Variants in PTPRD observed in about 807,000 individuals in gnomAD.
PTPRD encodes the protein protein tyrosine phosphatase receptor type D, also known as receptor-type tyrosine-protein phosphatase delta.
Under a neutral mutation model 214.5 loss-of-function variants are expected in PTPRD, and 34 were observed. The ratio of observed to expected loss-of-function variants is 0.16; its 90% CI spans 0.12 to 0.21. The LOEUF is 0.21. Ranked by LOEUF, PTPRD falls within the 10% of genes least tolerant of loss-of-function variation. The probability of loss-of-function intolerance (pLI) is 1.00; values close to 1 mark genes in which losing one functional copy is unlikely to be tolerated. For synonymous variants in PTPRD, 1,128 were observed against 845.7 expected, an observed-to-expected ratio of 1.33 and a Z score of -5.79; for missense variants, 2,545 against 2,398.7, an observed-to-expected ratio of 1.06 and a Z score of -1.27.
At chr9:9,781,968 A>AT (rs2098847593) in intron 5 of PTPRD, among the ~76,000 whole-genome samples, 1 of 151,846 alleles carries the variant, frequency 6.6e-6, no homozygotes, top group Non-Finnish European at 1.5e-5. Context: ...AATTTTATGT[A>AT]TTTTTAGTAG....
At chr9:9,055,366 C>G (rs748711775) in intron 10 of PTPRD, among the ~76,000 whole-genome samples, 1 of 152,156 alleles carries the variant, frequency 6.6e-6, no homozygotes, top group African/African-American at 2.4e-5. Context: ...TTAGTCATTT[C>G]ACAATGCACA....
chr9:9,776,445 A>T (rs372468397), intron 5 of PTPRD, among the ~76,000 whole-genome samples: 3 of 152,166 alleles, frequency 2.0e-5, no homozygotes, highest in South Asian at 4.1e-4. Flanking sequence ...CAGCCCTAAT[A>T]AACTTTGCTT....
intron 9 of PTPRD, among the ~76,000 whole-genome samples, chr9:9,373,070 C>G (rs938175143): frequency 6.6e-6 from 1 of 152,014 alleles, no homozygotes; most frequent in Non-Finnish European, 1.5e-5. Context: ...ATCTCTGATG[C>G]CATGCTCAAT....
intron 21 of PTPRD, among the ~76,000 whole-genome samples, chr9:8,516,006 T>C (rs1170235342): frequency 6.6e-6 from 1 of 152,160 alleles, no homozygotes; most frequent in African/African-American, 2.4e-5. Context: ...CTGGTTATGT[T>C]ACTCCAAGAC....
intron 8 of PTPRD, among the ~76,000 whole-genome samples, chr9:9,412,232 T>C (rs1556522): frequency 0.18 from 27,377 of 152,202 alleles, 2,521 homozygotes; most frequent in Middle Eastern, 0.23. Flanking sequence ...TTAATAATTA[T>C]GCCTTATTTC....
At chr9:9,468,320 AT>A (rs2094358793) in intron 8 of PTPRD, among the ~76,000 whole-genome samples, 2 of 152,218 alleles carry the variant, frequency 1.3e-5, no homozygotes, top group South Asian at 4.1e-4. Context: ...ATTTCAAAAA[AT>A]AATCTATATG....
chr9:8,797,000 A>G (rs2096447655), intron 11 of PTPRD: 2 of 152,136 alleles, frequency 1.3e-5, no homozygotes, highest in African/African-American at 4.8e-5. Flanking sequence ...CTTAGCTACT[A>G]TAACATTAGA....
intron 11 of PTPRD, among the ~76,000 whole-genome samples, chr9:8,881,209 G>T (rs1440202508): frequency 1.3e-5 from 2 of 152,114 alleles, no homozygotes; most frequent in Middle Eastern, 3.2e-3. Context: ...AAATGTATTT[G>T]TTCCCTGATC....
At chr9:9,077,154 G>GTTT (rs71317399) in intron 10 of PTPRD, among the ~76,000 whole-genome samples, 7 of 144,656 alleles carry the variant, frequency 4.8e-5, no homozygotes, top group Admixed American at 6.9e-5. Context: ...CAGATTATTA[G>GTTT]TTTTTTTTTT....
intron 5 of PTPRD, among the ~76,000 whole-genome samples, chr9:9,931,644 T>C (rs1478515279): frequency 6.6e-6 from 1 of 151,080 alleles, no homozygotes; most frequent in Non-Finnish European, 1.5e-5. Flanking sequence ...GCAACGAGGC[T>C]GGGGGAGGGG....
intron 4 of PTPRD, among the ~76,000 whole-genome samples, chr9:9,987,542 C>A (rs112865198): frequency 6.6e-6 from 1 of 152,002 alleles, no homozygotes. Flanking sequence ...GAGAACAGCA[C>A]GGGAAAGACC....
chr9:9,275,186 A>C (rs1292736934), intron 9 of PTPRD, among the ~76,000 whole-genome samples: 1 of 51,896 alleles, frequency 1.9e-5, no homozygotes, highest in East Asian at 6.9e-4. Context: ...TATATATGTT[A>C]TATATATATA....
intron 11 of PTPRD, among the ~76,000 whole-genome samples, chr9:8,862,720 T>C (rs1036046146): frequency 6.6e-6 from 1 of 152,244 alleles, no homozygotes. Context: ...AGGCAGCATC[T>C]CTTCTTGCTG....
At chr9:8,908,854 T>C (rs2098726602) in intron 11 of PTPRD, among the ~76,000 whole-genome samples, 1 of 151,230 alleles carries the variant, frequency 6.6e-6, no homozygotes, top group Admixed American at 6.6e-5. Context: ...AGGGAGAAAG[T>C]AATTACTAAA....
At chr9:10,097,934 G>C (rs2098508708) in intron 3 of PTPRD, among the ~76,000 whole-genome samples, 1 of 151,792 alleles carries the variant, frequency 6.6e-6, no homozygotes, top group Non-Finnish European at 1.5e-5. Context: ...AGTCGGTGTA[G>C]CGATTCCTCA....
chr9:9,500,279 C>T (rs903682005), intron 8 of PTPRD, among the ~76,000 whole-genome samples: 4 of 152,222 alleles, frequency 2.6e-5, no homozygotes, highest in South Asian at 4.1e-4. Flanking sequence ...ATGTAAACAA[C>T]AATAAAGTAG....
chr9:9,389,416 A>T (rs1428034725), intron 9 of PTPRD, among the ~76,000 whole-genome samples: 1 of 152,122 alleles, frequency 6.6e-6, no homozygotes, highest in Non-Finnish European at 1.5e-5. Flanking sequence ...AGGCTGAGGT[A>T]GGAGAATTGC....
chr9:9,729,577 G>A (rs2098150436), intron 7 of PTPRD, among the ~76,000 whole-genome samples: 1 of 151,984 alleles, frequency 6.6e-6, no homozygotes. Context: ...TGCTATCCCA[G>A]CAAGCTAAAG....
rs773622303 is a variant in PTPRD at position 8,518,463 on chromosome 9, C to A, written c.962-34G>T. 8 of 1,412,292 alleles carry A rather than the reference C, an allele frequency of 5.7e-6. No homozygotes were observed. The South Asian group carries it at 9.3e-5, about 16-fold the overall frequency. The allele number at this position is 1,412,292 out of a possible 1,614,324, so 87.5% of individuals were successfully genotyped here. ...GGGGAAGATAAAAGACAATGACTAC[C>A]CATCATCCCTATAATATTTCAAAAA... On this transcript the variant is annotated intron_variant, in intron 20 of 45. Coordinates refer to ENST00000381196, the MANE Select transcript of PTPRD (RefSeq NM_002839.4).
Sources: allele counts gnomAD v4.1 joint callset (sites outside exome capture counted in the v4.1 genomes callset), GRCh38; gene constraint gnomAD v4.1.1; transcripts MANE v1.5; gene names NCBI Gene and HGNC (gene_info 2026-07-23, HGNC 2026-07-21).